The following LRRC2 variants were observed in gnomAD, a reference collection of about 807,000 sequenced individuals.
LRRC2 encodes the protein leucine-rich repeat-containing protein 2.
LRRC2 carries 27 observed loss-of-function variants against 40.2 expected under a neutral mutation model. That is an observed-to-expected ratio of 0.67 (90% confidence interval 0.49 to 0.93). The LOEUF is 0.93. Among genes scored for constraint, LRRC2 ranks in the 40% least tolerant of loss-of-function variants. The probability of loss-of-function intolerance (pLI) is 0.00; values close to 1 mark genes in which losing one functional copy is unlikely to be tolerated. For synonymous variants in LRRC2, 147 were observed against 158.9 expected (o/e 0.92, Z 0.56); for missense variants, 402 against 439.6 (o/e 0.91, Z 0.76).
At chr3:46,531,572 T>C (rs1259182893) in intron 5 of LRRC2, among the ~76,000 whole-genome samples, 1 of 152,084 alleles carries the variant, frequency 6.6e-6, no homozygotes, top group African/African-American at 2.4e-5. Context: ...ATATGGCACA[T>C]GGGAGAAGAG....
rs1241012300 is a variant in LRRC2 at position 46,518,136 on chromosome 3, G to A, written c.*878C>T. On this transcript the variant is annotated 3_prime_UTR_variant, in exon 9 of 9. Transcript: ENST00000395905. ...CTGAGCATCTCATGCCCAAAGCATG[G>A]GCAGATATTCCAGCCTTTGTTTCTT... 2 of 152,272 alleles carry A rather than the reference G, an allele frequency of 1.3e-5. No homozygotes were observed. Among genetic ancestry groups the A allele is most frequent in the East Asian group, 1.9e-4 (1 of 5,178 alleles). The allele number at this position is 152,272 out of a possible 1,614,324, so 9.4% of individuals were successfully genotyped here.
At chr3:46,565,588 T>G (rs1261781423) in intron 1 of LRRC2, among the ~76,000 whole-genome samples, 1 of 152,108 alleles carries the variant, frequency 6.6e-6, no homozygotes, top group African/African-American at 2.4e-5. Context: ...AGTCCCTGAG[T>G]TCTGGGAGAG....
chr3:46,540,541 A>T (rs866415919), intron 3 of LRRC2, among the ~76,000 whole-genome samples: 3 of 151,070 alleles, frequency 2.0e-5, no homozygotes, highest in Non-Finnish European at 4.4e-5. Flanking sequence ...AAAAAAAAAA[A>T]TTGATAGGCA....
chr3:46,556,867 G>A (rs1254588709), intron 1 of LRRC2, among the ~76,000 whole-genome samples: 2 of 152,074 alleles, frequency 1.3e-5, no homozygotes, highest in East Asian at 1.9e-4. Flanking sequence ...GTGAGCCATC[G>A]CGCCCAGCCC....
chr3:46,521,816 T>C (rs1409056344), intron 7 of LRRC2, among the ~76,000 whole-genome samples, 158 bp from the exon 8 acceptor site: 1 of 152,172 alleles, frequency 6.6e-6, no homozygotes, highest in East Asian at 1.9e-4. Flanking sequence ...AATTCCAGTG[T>C]GGAATAATCC....
intron 1 of LRRC2, among the ~76,000 whole-genome samples, chr3:46,553,213 A>T (rs1215739057): frequency 6.6e-6 from 1 of 151,954 alleles, no homozygotes; most frequent in Non-Finnish European, 1.5e-5. Flanking sequence ...ACAGAAAAGT[A>T]CCTTTCAGTG....
intron 4 of LRRC2, among the ~76,000 whole-genome samples, chr3:46,533,803 C>CTTTCTTTCTTTCTTTCTTTG (rs1324185043): frequency 1.1e-3 from 140 of 122,150 alleles, no homozygotes; most frequent in Middle Eastern, 4.6e-3. Flanking sequence ...TTCTTTGTTT[C>CTTTCTTTCTTTCTTTCTTTG]TTTCTTTCTT....
intron 1 of LRRC2, among the ~76,000 whole-genome samples, chr3:46,554,226 GC>G (rs1704735908): frequency 8.6e-6 from 1 of 116,354 alleles, no homozygotes; most frequent in Non-Finnish European, 1.8e-5. Flanking sequence ...CCACTATGTT[GC>G]CCAGACTGGT....
At chr3:46,553,182 C>CAA (rs10676856) in intron 1 of LRRC2, among the ~76,000 whole-genome samples, 41,224 of 149,334 alleles carry the variant, frequency 0.28, 5,760 homozygotes, top group Middle Eastern at 0.37. Flanking sequence ...TTGATCATTG[C>CAA]AAAAAAAAAA....
At chr3:46,528,839 C>T (rs1704108692) in intron 6 of LRRC2, among the ~76,000 whole-genome samples, 1 of 152,174 alleles carries the variant, frequency 6.6e-6, no homozygotes, top group Admixed American at 6.5e-5. Flanking sequence ...AGGCCAGGCA[C>T]GGTGGCTCAT....
In LRRC2 at chr3:46,551,582, T is replaced by C. The variant is rs776401335; in HGVS notation, c.10A>G (p.Lys4Glu). The C allele has an allele frequency of 6.2e-7, 1 of 1,612,230 alleles. No homozygotes were observed. The highest frequency in any genetic ancestry group is 8.5e-7 in the Non-Finnish European group (1 of 1,179,496). ...ACAGAAATGTCGAAGACAACCACTT[T>C]ATGTCCCATTTTGGGAGCATGAAAT... MGHKVVVFDISVIR... is the reference protein window; with the variant it reads MGHEVVVFDISVIR... The change falls in exon 2 of 9, where the codon AAA (lysine) becomes GAA (glutamate). Residue 4 changes from lysine to glutamate, a missense_variant. By Grantham distance (56) the Lys-to-Glu change is moderately conservative. Coordinates refer to ENST00000395905, the MANE Select transcript of LRRC2 (RefSeq NM_024512.5).
chr3:46,560,764 C>T (rs1347072697), intron 1 of LRRC2, among the ~76,000 whole-genome samples: 2 of 152,156 alleles, frequency 1.3e-5, no homozygotes, highest in African/African-American at 2.4e-5. Context: ...TGTCCACAGT[C>T]ACAGAGCATC....
intron 3 of LRRC2, among the ~76,000 whole-genome samples, chr3:46,542,279 C>T (rs923265720): frequency 6.6e-6 from 1 of 152,124 alleles, no homozygotes; most frequent in Non-Finnish European, 1.5e-5. Context: ...AAGACAATCA[C>T]TTGAGCCTAG....
chr3:46,521,948 T>A (rs1183182452), intron 7 of LRRC2, among the ~76,000 whole-genome samples: 1 of 152,210 alleles, frequency 6.6e-6, no homozygotes, highest in Non-Finnish European at 1.5e-5. Context: ...ACACCTCCTC[T>A]CAGGCAGATC....
At chr3:46,544,386 G>T (rs1704479485) in intron 3 of LRRC2, among the ~76,000 whole-genome samples, 1 of 152,162 alleles carries the variant, frequency 6.6e-6, no homozygotes, top group Non-Finnish European at 1.5e-5. Flanking sequence ...AGGCATGGTG[G>T]CACACACCTG....
intron 4 of LRRC2, among the ~76,000 whole-genome samples, chr3:46,535,307 T>G (rs964598723): frequency 6.6e-6 from 1 of 152,236 alleles, no homozygotes; most frequent in Non-Finnish European, 1.5e-5. Context: ...ATATGATATA[T>G]GTCTCAGCCA....
chr3:46,527,733 C>T (rs1352790890), intron 6 of LRRC2, 152 bp from the exon 7 acceptor site: 1 of 655,688 alleles, frequency 1.5e-6, no homozygotes, highest in South Asian at 2.1e-5. Context: ...TTTTGTTCTT[C>T]GTTTTTTTTT....
At chr3:46,564,801 C>T (rs1197156509) in intron 1 of LRRC2, among the ~76,000 whole-genome samples, 1 of 152,226 alleles carries the variant, frequency 6.6e-6, no homozygotes, top group Non-Finnish European at 1.5e-5. Context: ...CCACAGCACC[C>T]TTCCAGGCGT....
chr3:46,518,878 T>A lies in LRRC2; in HGVS notation c.*136A>T, dbSNP rs1181929088. On this transcript the variant is annotated 3_prime_UTR_variant, in exon 9 of 9. Transcript: ENST00000395905. ...TCATGTATTTGACATTTGAAAACCA[T>A]TTTTTTTAGCAACTATGATAGTGGT... 6.2e-6 allele frequency: 4 copies of A among 648,220 alleles called. No homozygotes were observed. Among genetic ancestry groups the A allele is most frequent in the Non-Finnish European group, 8.1e-6 (3 of 368,424 alleles). The allele number at this position is 648,220 out of a possible 1,614,324, so 40.2% of individuals were successfully genotyped here.
Sources: gnomAD v4.1 joint callset for allele counts (sites outside exome capture counted in the v4.1 genomes callset) on GRCh38, gnomAD v4.1.1 for gene constraint, MANE v1.5 for transcripts, NCBI Gene and HGNC (gene_info 2026-07-23, HGNC 2026-07-21) for gene names.